OSTM1: variants seen among roughly 807,000 people sequenced by gnomAD.
OSTM1 encodes osteopetrosis-associated transmembrane protein 1.
A neutral mutation model predicts 35.4 loss-of-function variants in OSTM1; 26 were observed. That is an observed-to-expected ratio of 0.73 (90% CI 0.54 to 1.02). The LOEUF (loss-of-function observed/expected upper bound fraction) is 1.02, where lower values mean the gene tolerates loss of function less well. OSTM1 is among the 50% of genes least tolerant of loss of function. The probability of loss-of-function intolerance (pLI) is 0.00; values close to 1 mark genes in which losing one functional copy is unlikely to be tolerated. For missense variants in OSTM1, 366 were observed against 409.6 expected (o/e 0.89, Z 0.92); for synonymous variants, 181 against 165.0 (o/e 1.10, Z -0.75).
In OSTM1 at chr6:108,043,631, T is replaced by C. The variant is rs577908204; in HGVS notation, c.*1154A>G. ...CTGTGAACAATTCTGAAACGGAGTG[T>C]TTTTTCTAAAGGCTAATACAAACAT... is the stretch of plus-strand genomic sequence containing the variant. On this transcript the variant is annotated 3_prime_UTR_variant, in exon 6 of 6. Transcript: ENST00000193322. The C allele has an allele frequency of 4.6e-5, 7 of 152,240 alleles. No homozygotes were observed. In the South Asian group the frequency reaches 1.5e-3, roughly 32 times the overall value. 9.4% of individuals were successfully genotyped at this position (152,240 alleles called of 1,614,324 possible).
At chr6:108,058,198 G>A (rs1772201443) in intron 2 of OSTM1, among the ~76,000 whole-genome samples, 1 of 152,008 alleles carries the variant, frequency 6.6e-6, no homozygotes, top group Admixed American at 6.6e-5. Context: ...AGACCTCACA[G>A]AGAAACCTAC....
intron 1 of OSTM1, among the ~76,000 whole-genome samples, chr6:108,068,723 CT>C (rs1359190927): frequency 6.6e-6 from 1 of 152,076 alleles, no homozygotes; most frequent in Non-Finnish European, 1.5e-5. Flanking sequence ...TCCCCAGCCC[CT>C]ACCCTCTCCA....
intron 1 of OSTM1, among the ~76,000 whole-genome samples, chr6:108,067,686 T>G (rs1772402662): frequency 6.6e-6 from 1 of 151,870 alleles, no homozygotes; most frequent in Non-Finnish European, 1.5e-5. Context: ...TAAAATTAGC[T>G]GGGTGTGGTG....
intron 1 of OSTM1, among the ~76,000 whole-genome samples, chr6:108,069,478 T>C (rs974053308): frequency 2.7e-5 from 4 of 147,992 alleles, no homozygotes; most frequent in Non-Finnish European, 5.9e-5. Flanking sequence ...CACAGATACA[T>C]AGATAGATAG....
intron 2 of OSTM1, chr6:108,060,947 A>G (rs1017746789): frequency 5.3e-5 from 8 of 152,202 alleles, no homozygotes; most frequent in Admixed American, 4.6e-4. Context: ...ATTAAAAAAT[A>G]AAGAAGTGAA....
chr6:108,074,189 T>C (rs1383527529), intron 1 of OSTM1, 61 bp downstream of exon 1: 4 of 1,551,504 alleles, frequency 2.6e-6, no homozygotes, highest in Non-Finnish European at 3.5e-6. Context: ...TGACCATCAT[T>C]ACACCCTCCT....
intron 3 of OSTM1, among the ~76,000 whole-genome samples, chr6:108,051,749 G>A (rs141979897): frequency 2.1e-3 from 322 of 152,242 alleles, no homozygotes; most frequent in African/African-American, 7.3e-3. Flanking sequence ...TCATAATCCA[G>A]GCCTTTCTAG....
intron 2 of OSTM1, among the ~76,000 whole-genome samples, chr6:108,063,016 C>CTTT (rs201721804): frequency 0.011 from 1,459 of 137,836 alleles, 15 homozygotes; most frequent in Non-Finnish European, 0.018. Flanking sequence ...CTCATTTCTA[C>CTTT]TTTTTTTTTT....
intron 1 of OSTM1, among the ~76,000 whole-genome samples, chr6:108,065,377 CTACA>C (rs1207927459): frequency 1.8e-4 from 28 of 151,686 alleles, no homozygotes; most frequent in African/African-American, 6.8e-4. Flanking sequence ...GCAGCTGGGA[CTACA>C]GGCACATGCC....
chr6:108,068,466 A>G (rs1582398648), intron 1 of OSTM1, among the ~76,000 whole-genome samples: 2 of 152,292 alleles, frequency 1.3e-5, no homozygotes, highest in African/African-American at 2.4e-5. Flanking sequence ...TCCTCCCTCC[A>G]GCTCAGTAAA....
At chr6:108,049,685 G>T in intron 4 of OSTM1, 1 of 484,112 alleles carries the variant, frequency 2.1e-6, no homozygotes, top group Non-Finnish European at 3.3e-6. Context: ...TCAACCATTT[G>T]TACATTCAAA....
intron 1 of OSTM1, among the ~76,000 whole-genome samples, chr6:108,067,276 C>T (rs1322825831): frequency 6.6e-6 from 1 of 152,120 alleles, no homozygotes; most frequent in Non-Finnish European, 1.5e-5. Flanking sequence ...TACATGCAAC[C>T]TCTCCTTCTA....
intron 3 of OSTM1, 113 bp from the exon 4 acceptor site, chr6:108,051,311 G>T: frequency 1.3e-6 from 1 of 776,378 alleles, no homozygotes; most frequent in Non-Finnish European, 2.1e-6. Flanking sequence ...GTGTTAAAGT[G>T]CTAAGCTGTG....
At chr6:108,046,352 T>TC (rs1235369625) in intron 5 of OSTM1, among the ~76,000 whole-genome samples, 2 of 145,022 alleles carry the variant, frequency 1.4e-5, no homozygotes, top group African/African-American at 5.2e-5. Flanking sequence ...TTTTTCTTTT[T>TC]TTTTTTTGAG....
intron 1 of OSTM1, among the ~76,000 whole-genome samples, chr6:108,065,242 T>TC (rs985610029): frequency 7.3e-6 from 1 of 137,800 alleles, no homozygotes; most frequent in Non-Finnish European, 1.6e-5. Context: ...ATTATCACTT[T>TC]TTTTTTTTTT....
At chr6:108,055,871 C>T (rs1293474258) in intron 2 of OSTM1, among the ~76,000 whole-genome samples, 2 of 152,158 alleles carry the variant, frequency 1.3e-5, no homozygotes, top group Non-Finnish European at 1.5e-5. Context: ...TAGTCCCAGC[C>T]CTACTCTTGT....
At chr6:108,052,974 C>T (rs926741571) in intron 3 of OSTM1, among the ~76,000 whole-genome samples, 1 of 152,180 alleles carries the variant, frequency 6.6e-6, no homozygotes, top group African/African-American at 2.4e-5. Context: ...ACTCAGTTTC[C>T]AAGCAGCTTG....
At chr6:108,070,138 A>G (rs1036311569) in intron 1 of OSTM1, among the ~76,000 whole-genome samples, 9 of 152,128 alleles carry the variant, frequency 5.9e-5, no homozygotes, top group African/African-American at 2.2e-4. Flanking sequence ...CCCAGGCTCA[A>G]GTGATTCTCC....
chr6:108,067,238 C>T (rs531182949), intron 1 of OSTM1, among the ~76,000 whole-genome samples: 3 of 152,282 alleles, frequency 2.0e-5, no homozygotes, highest in East Asian at 1.9e-4. Flanking sequence ...CAGAAGCCTT[C>T]GAGCTGAAAC....
Sources: allele counts gnomAD v4.1 joint callset (sites outside exome capture counted in the v4.1 genomes callset), GRCh38; gene constraint gnomAD v4.1.1; transcripts MANE v1.5; gene names NCBI Gene and HGNC (gene_info 2026-07-23, HGNC 2026-07-21).